The following WDR27 variants were observed in gnomAD, a reference collection of about 807,000 sequenced individuals.
WDR27 encodes the protein WD repeat domain 27, also known as WD repeat-containing protein 27.
Under a neutral mutation model 114.4 loss-of-function variants are expected in WDR27, and 100 were observed. The observed-to-expected ratio is 0.87, with a 90% CI of 0.74 to 1.03. The LOEUF (loss-of-function observed/expected upper bound fraction) is 1.03, where lower values mean the gene tolerates loss of function less well. Among genes scored for constraint, WDR27 ranks in the 50% least tolerant of loss-of-function variants. The pLI, the probability that WDR27 is intolerant of heterozygous loss-of-function variation, is 0.00. For missense variants in WDR27, 1,129 were observed against 1,092.9 expected (o/e 1.03, Z -0.47); for synonymous variants, 449 against 423.1 (o/e 1.06, Z -0.75).
At position 169,659,043 on chromosome 6, in the gene WDR27, T is replaced by C. The variant is rs748759111; in HGVS notation, c.1319+43A>G. The C allele has an allele frequency of 1.1e-5, 16 of 1,491,302 alleles. No individual in the cohort carries two copies. Among genetic ancestry groups the C allele is most frequent in the Middle Eastern group, 1.8e-4 (1 of 5,520 alleles). The allele number at this position is 1,491,302 out of a possible 1,614,324, so 92.4% of individuals were successfully genotyped here. A position where few individuals can be genotyped will look rare whatever the true frequency, so the allele number is the denominator to read the frequency against. On this transcript the variant is annotated intron_variant, in intron 12 of 25. Transcript: ENST00000448612. The surrounding 1 kb of genome is among the most constrained non-coding windows in gnomAD (Gnocchi z 4.3). ...AACATAGAAATCCAGATGGCACTTA[T>C]TGGTGAACACACACACACACTCCAC...
chr6:169,632,974 C>T lies in WDR27; in HGVS notation c.2196G>A (p.Arg732=). Residue 732 remains arginine (R), a synonymous_variant, in exon 21 of 26, where the codon CGG becomes CGA. Coordinates refer to ENST00000448612, the MANE Select transcript of WDR27 (RefSeq NM_182552.5). ...SAAVIAEAHS[R]PVHQICQNKG... Reference sequence around the variant, plus strand: ...TATTTTGGCAGATTTGATGGACAGGCCGTGAGTGGGCTTCCGCTATCACCG... The same window carrying T: ...TATTTTGGCAGATTTGATGGACAGGTCGTGAGTGGGCTTCCGCTATCACCG... 1 of 1,593,626 alleles carries T rather than the reference C, an allele frequency of 6.3e-7. No homozygotes were observed. Among genetic ancestry groups the T allele is most frequent in the Admixed American group, 1.7e-5 (1 of 59,732 alleles).
chr6:169,551,472 AAG>A lies in WDR27; in HGVS notation c.2645+20945_2645+20946del, dbSNP rs763604556. Among the ~76,000 whole-genome samples, 5 of 152,248 alleles carry A rather than the reference AAG, an allele frequency of 3.3e-5. No individual in the cohort carries two copies. In the East Asian group the frequency reaches 9.7e-4, roughly 29 times the overall value. ...ACAACCTGAGTGACTCTGTTAAAAC[AAG>A]AGGAGGATCCAGTACTTTAGGAGGC... On this transcript the variant is annotated intron_variant, in intron 25 of 25. Transcript: ENST00000448612.
the WDR27 span, among the ~76,000 whole-genome samples, chr6:169,427,779 T>G: frequency 1.3e-4 from 20 of 149,774 alleles, no homozygotes; most frequent in Admixed American, 4.6e-4. Context: ...TTATTTTGCT[T>G]CTTTGGAACA....
chr6:169,468,080 C>T (rs1015013990), intron 25 of WDR27, among the ~76,000 whole-genome samples: 10 of 152,174 alleles, frequency 6.6e-5, no homozygotes, highest in Non-Finnish European at 1.2e-4. Context: ...AAATGCTGCC[C>T]ATCTCTTTGC....
At chr6:169,560,915 T>C (rs574732018) in intron 25 of WDR27, among the ~76,000 whole-genome samples, 1 of 152,068 alleles carries the variant, frequency 6.6e-6, no homozygotes, top group Non-Finnish European at 1.5e-5. Flanking sequence ...AAATCAAAGT[T>C]CAAAAGGTTT....
intron 25 of WDR27, among the ~76,000 whole-genome samples, chr6:169,470,066 C>A (rs1247556895): frequency 6.6e-6 from 1 of 152,200 alleles, no homozygotes; most frequent in African/African-American, 2.4e-5. Flanking sequence ...CCATTGCTCA[C>A]AAGTTCTACT....
intron 21 of WDR27, among the ~76,000 whole-genome samples, chr6:169,621,665 C>CGCATATATATACCCACACAT (rs1562721688): frequency 6.6e-6 from 1 of 151,490 alleles, no homozygotes; most frequent in Non-Finnish European, 1.5e-5. Flanking sequence ...CATTCATTCA[C>CGCATATATATACCCACACAT]GCATATACAT....
chr6:169,595,067 G>A (rs1007275046), intron 23 of WDR27, among the ~76,000 whole-genome samples: 1 of 152,188 alleles, frequency 6.6e-6, no homozygotes, highest in Non-Finnish European at 1.5e-5. Flanking sequence ...GTGGAAGGCT[G>A]GGGCAAGAGG....
chr6:169,607,031 A>G (rs1472115327), intron 22 of WDR27, among the ~76,000 whole-genome samples: 1 of 152,196 alleles, frequency 6.6e-6, no homozygotes, highest in Non-Finnish European at 1.5e-5. Context: ...TTAAAACCAC[A>G]ATGAGATTTC....
chr6:169,555,115 T>C (rs1039729678), intron 25 of WDR27, among the ~76,000 whole-genome samples: 2 of 152,144 alleles, frequency 1.3e-5, no homozygotes, highest in Admixed American at 1.3e-4. Flanking sequence ...CTTGAATAAC[T>C]AAAATTCCAG....
At chr6:169,554,871 T>C (rs1188698715) in intron 25 of WDR27, among the ~76,000 whole-genome samples, 1 of 152,218 alleles carries the variant, frequency 6.6e-6, no homozygotes, top group Non-Finnish European at 1.5e-5. Context: ...ATACATTTTG[T>C]TTTCTAGAAT....
At chr6:169,514,755 A>G (rs1793410024) in intron 25 of WDR27, among the ~76,000 whole-genome samples, 1 of 108,658 alleles carries the variant, frequency 9.2e-6, no homozygotes, top group Non-Finnish European at 1.7e-5. Flanking sequence ...AGAAAAAAAG[A>G]GAATATATAT....
intron 23 of WDR27, among the ~76,000 whole-genome samples, chr6:169,598,617 CG>C (rs1807297961): frequency 6.6e-6 from 1 of 152,106 alleles, no homozygotes; most frequent in South Asian, 2.1e-4. Context: ...AGAGAAAGAA[CG>C]GGGAAACGAG....
At chr6:169,576,766 C>CAAAAA (rs34375216) in intron 24 of WDR27, among the ~76,000 whole-genome samples, 1 of 137,460 alleles carries the variant, frequency 7.3e-6, no homozygotes. Flanking sequence ...CCCTTTCTCA[C>CAAAAA]AAAAAAAAAA....
chr6:169,622,568 A>G (rs1813637197), intron 21 of WDR27, among the ~76,000 whole-genome samples: 1 of 152,262 alleles, frequency 6.6e-6, no homozygotes, highest in Admixed American at 6.5e-5. Context: ...CACTTGGAAA[A>G]CAATATGAAT....
chr6:169,462,788 T>A (rs1400264642), intron 25 of WDR27, among the ~76,000 whole-genome samples: 1 of 152,172 alleles, frequency 6.6e-6, no homozygotes, highest in Non-Finnish European at 1.5e-5. Flanking sequence ...AATTTATTCC[T>A]GGAATCCAAA....
chr6:169,574,099 C>T (rs189552134), intron 24 of WDR27, among the ~76,000 whole-genome samples: 1 of 152,392 alleles, frequency 6.6e-6, no homozygotes, highest in East Asian at 1.9e-4. Flanking sequence ...TCTGACAGGG[C>T]GCATGTGGCG....
chr6:169,652,140 A>C (rs1822761167), intron 13 of WDR27, 132 bp from the exon 14 acceptor site: 1 of 778,366 alleles, frequency 1.3e-6, no homozygotes, highest in African/African-American at 1.8e-5. Context: ...CATAAATTTA[A>C]GAGGTTTCAT....
At chr6:169,542,024 G>C (rs931308677) in intron 25 of WDR27, among the ~76,000 whole-genome samples, 1 of 152,082 alleles carries the variant, frequency 6.6e-6, no homozygotes, top group Non-Finnish European at 1.5e-5. Context: ...TAGGAAAGGG[G>C]TATAGATTTT....
Sources: allele counts gnomAD v4.1 joint callset (sites outside exome capture counted in the v4.1 genomes callset), GRCh38; gene constraint gnomAD v4.1.1; non-coding constraint Gnocchi (gnomAD v3.1); transcripts MANE v1.5; gene names NCBI Gene and HGNC (gene_info 2026-07-23, HGNC 2026-07-21).